The following PTPRD variants were observed in gnomAD, a reference collection of about 807,000 sequenced individuals.
PTPRD encodes the protein receptor-type tyrosine-protein phosphatase delta.
PTPRD carries 34 observed loss-of-function variants against 214.5 expected under a neutral mutation model. The ratio of observed to expected loss-of-function variants is 0.16; its 90% CI spans 0.12 to 0.21. The LOEUF (loss-of-function observed/expected upper bound fraction) is 0.21, where lower values mean the gene tolerates loss of function less well. Among genes scored for constraint, PTPRD ranks in the 10% least tolerant of loss-of-function variants. PTPRD has a pLI of 1.00. For missense variants in PTPRD, 2,545 were observed against 2,398.7 expected (o/e 1.06, Z -1.27); for synonymous variants, 1,128 against 845.7 (o/e 1.33, Z -5.79).
intron 14 of PTPRD, among the ~76,000 whole-genome samples, chr9:8,532,114 A>G (rs1310175380): frequency 6.6e-6 from 1 of 152,034 alleles, no homozygotes; most frequent in Non-Finnish European, 1.5e-5. Context: ...CCCTTTGCAC[A>G]GAATCTCTTT....
At chr9:9,390,757 C>A (rs558819981) in intron 9 of PTPRD, among the ~76,000 whole-genome samples, 1 of 152,202 alleles carries the variant, frequency 6.6e-6, no homozygotes, top group East Asian at 1.9e-4. Context: ...TTCTGAATTT[C>A]CTCACTTGGT....
chr9:10,288,666 A>G (rs1337345550), intron 3 of PTPRD, among the ~76,000 whole-genome samples: 1 of 152,204 alleles, frequency 6.6e-6, no homozygotes, highest in Non-Finnish European at 1.5e-5. Context: ...GAATTAGAAG[A>G]AAAATGAAGC....
intron 3 of PTPRD, among the ~76,000 whole-genome samples, chr9:10,106,112 C>T (rs565187407): frequency 8.0e-5 from 12 of 150,456 alleles, no homozygotes; most frequent in Non-Finnish European, 1.8e-4. Context: ...AAAAATATTG[C>T]ACTTATTGAA....
chr9:8,540,450 C>A (rs1350463364), intron 14 of PTPRD, among the ~76,000 whole-genome samples: 1 of 151,804 alleles, frequency 6.6e-6, no homozygotes, highest in Non-Finnish European at 1.5e-5. Flanking sequence ...AAACAATGAA[C>A]AAAATTGAGT....
Position 9,949,515 on chromosome 9 carries a change from C to T in PTPRD, c.-471-10905G>A, listed in dbSNP as rs538965723. On this transcript the variant is annotated intron_variant, in intron 4 of 45. Transcript: ENST00000381196. The stretch of plus-strand genomic sequence containing the variant: ...GATACTTCTTCTTTGCAACAGCCCT[C>T]GTAGGGAGTTAATGATTTATTTTCC... Among the ~76,000 whole-genome samples, 10 of 152,140 alleles carry T rather than the reference C, an allele frequency of 6.6e-5. No homozygotes were observed. In the East Asian group the frequency reaches 7.7e-4, roughly 12 times the overall value.
At chr9:10,314,005 A>G (rs2096348077) in intron 3 of PTPRD, among the ~76,000 whole-genome samples, 1 of 151,958 alleles carries the variant, frequency 6.6e-6, no homozygotes, top group Admixed American at 6.6e-5. Context: ...GATTTAATAA[A>G]TGGACGTGAT....
At chr9:8,502,890 G>A (rs1018794390) in intron 23 of PTPRD, among the ~76,000 whole-genome samples, 3 of 149,938 alleles carry the variant, frequency 2.0e-5, no homozygotes, top group African/African-American at 7.5e-5. Context: ...GTTAAAAACT[G>A]AGGTTTGTAA....
intron 9 of PTPRD, among the ~76,000 whole-genome samples, chr9:9,203,990 G>A (rs2099943359): frequency 6.6e-6 from 1 of 152,150 alleles, no homozygotes; most frequent in Non-Finnish European, 1.5e-5. Flanking sequence ...ATATATCTCT[G>A]ATTTGGGGAT....
At chr9:9,401,787 T>G (rs187753286) in intron 8 of PTPRD, among the ~76,000 whole-genome samples, 1 of 151,992 alleles carries the variant, frequency 6.6e-6, no homozygotes, top group Non-Finnish European at 1.5e-5. Flanking sequence ...GTTCTCCTGA[T>G]AGTGAGTGAG....
At chr9:9,897,102 G>A (rs1346113424) in intron 5 of PTPRD, among the ~76,000 whole-genome samples, 1 of 143,998 alleles carries the variant, frequency 6.9e-6, no homozygotes, top group African/African-American at 2.6e-5. Context: ...ACACTTCCCT[G>A]TCATTAAAAC....
rs1025109879 is a variant in PTPRD at position 8,955,758 on chromosome 9, A to G, written c.-104+62939T>C. ...TAAAATGTATGCCTTTTAATTAAAAAAAGTCTTTCACACACATCTAACTCC... is the reference window on the plus strand; with the variant it reads ...TAAAATGTATGCCTTTTAATTAAAAGAAGTCTTTCACACACATCTAACTCC... On this transcript the variant is annotated intron_variant, in intron 11 of 45. Transcript: ENST00000381196. 1.1e-4 allele frequency among the ~76,000 whole-genome samples: 17 copies of G among 151,884 alleles called. 2 individuals carry two copies. Among genetic ancestry groups the G allele is most frequent in the Admixed American group, 9.2e-4 (14 of 15,210 alleles).
At chr9:8,893,171 C>T (rs73422015) in intron 11 of PTPRD, among the ~76,000 whole-genome samples, 508 of 151,890 alleles carry the variant, frequency 3.3e-3, no homozygotes, top group African/African-American at 0.011. Flanking sequence ...CAAATAGGAA[C>T]GGACCAAGAG....
chr9:10,455,273 C>T (rs981519743), intron 2 of PTPRD, among the ~76,000 whole-genome samples: 1 of 151,586 alleles, frequency 6.6e-6, no homozygotes, highest in Non-Finnish European at 1.5e-5. Flanking sequence ...CATTGTTCTG[C>T]TTTTATTTCT....
At chr9:8,904,971 C>G (rs1333688852) in intron 11 of PTPRD, among the ~76,000 whole-genome samples, 2 of 152,074 alleles carry the variant, frequency 1.3e-5, no homozygotes, top group African/African-American at 2.4e-5. Context: ...AAGATGTAAA[C>G]TTGAAACTTG....
At chr9:9,151,303 G>T (rs926926832) in intron 10 of PTPRD, among the ~76,000 whole-genome samples, 6 of 152,148 alleles carry the variant, frequency 3.9e-5, no homozygotes, top group Non-Finnish European at 5.9e-5. Flanking sequence ...CAAAAGCAAT[G>T]ATATTGCACA....
Position 8,538,256 on chromosome 9 carries a change from G to A in PTPRD, c.353-9477C>T, listed in dbSNP as rs1045804844. Among the ~76,000 whole-genome samples, 4 of 151,794 alleles carry A rather than the reference G, an allele frequency of 2.6e-5. No individual in the cohort carries two copies. The South Asian group carries it at 6.2e-4, about 24-fold the overall frequency. On this transcript the variant is annotated intron_variant, in intron 14 of 45. Coordinates refer to ENST00000381196, the MANE Select transcript of PTPRD (RefSeq NM_002839.4). ...TATTCAAATAATTAACCACTTTACC[G>A]AAATGTATATTTAAATCATAAAATG...
chr9:8,319,862 C>G lies in PTPRD; in HGVS notation c.5639G>C (p.Arg1880Thr). 1.2e-6 allele frequency: 2 copies of G among 1,612,556 alleles called. No individual in the cohort carries two copies. The highest frequency in any genetic ancestry group is 1.7e-4 in the Middle Eastern group (1 of 6,046). The change falls in exon 45 of 46, where the codon AGA becomes ACA. Residue 1880 changes from arginine (R) to threonine (T), a missense_variant. Arg to Thr is a moderately conservative substitution (Grantham distance 71). Transcript: ENST00000381196. ...CTGTACCATAGCTGGTCGTTGTGTT[C>G]TTAACATTTTGACAGTCTGGAAGAT... The part of the protein sequence containing the change: ...VDIFQTVKML[R>T]TQRPAMVQTE...
At chr9:8,585,151 A>G (rs2093535456) in intron 14 of PTPRD, among the ~76,000 whole-genome samples, 1 of 152,180 alleles carries the variant, frequency 6.6e-6, no homozygotes, top group South Asian at 2.1e-4. Context: ...GCCACGTGAA[A>G]TTTTCAACGT....
intron 11 of PTPRD, among the ~76,000 whole-genome samples, chr9:8,905,828 G>A (rs1039004672): frequency 2.6e-4 from 40 of 151,856 alleles, no homozygotes; most frequent in African/African-American, 9.2e-4. Flanking sequence ...TCTTGACACA[G>A]GATATTTCCC....
Sources: gnomAD v4.1 joint callset for allele counts (sites outside exome capture counted in the v4.1 genomes callset) on GRCh38, gnomAD v4.1.1 for gene constraint, MANE v1.5 for transcripts, NCBI Gene and HGNC (gene_info 2026-07-23, HGNC 2026-07-21) for gene names.